CABS1: variants seen among roughly 807,000 people sequenced by gnomAD.
CABS1 encodes the protein calcium binding protein, spermatid associated 1.
For synonymous variants in CABS1, 195 were observed against 169.0 expected (o/e 1.15, Z -1.19); for missense variants, 500 against 464.3 (o/e 1.08, Z -0.71).
chr4:70,336,362 A>G lies in CABS1; in HGVS notation c.*119+16A>G. 8.0e-7 allele frequency: 1 copy of G among 1,257,092 alleles called. No homozygotes were observed. Among genetic ancestry groups the G allele is most frequent in the Non-Finnish European group, 1.1e-6 (1 of 937,168 alleles). The allele number at this position is 1,257,092 out of a possible 1,614,324, so 77.9% of individuals were successfully genotyped here. A position where few individuals can be genotyped will look rare whatever the true frequency, so the allele number is the denominator to read the frequency against. On this transcript the variant is annotated intron_variant, in intron 1 of 1. Transcript: ENST00000273936. Reference sequence around the variant, plus strand: ...GGCATTTAAGGCAAGTATTCGACTCAATAAATGCAGATGCTTAGGACTACA... The same window carrying G: ...GGCATTTAAGGCAAGTATTCGACTCGATAAATGCAGATGCTTAGGACTACA...
At position 70,335,335 on chromosome 4, in the gene CABS1, T is replaced by A; in HGVS notation, c.296T>A (p.Leu99Gln). The part of the protein sequence containing the change: ...TTHLQKEITS[L>Q]TGTTNSITRD... ...CACCTACAGAAAGAAATTACCTCTC[T>A]GACTGGCACTACAAACTCCATAACA... The change falls in exon 1 of 2, where the codon CTG (leucine) becomes CAG (glutamine). Residue 99 changes from leucine to glutamine, a missense_variant. By Grantham distance (113) the Leu-to-Gln change is moderately radical (BLOSUM62 -2). Transcript: ENST00000273936. 1 of 1,613,756 alleles carries A rather than the reference T, an allele frequency of 6.2e-7. No individual in the cohort carries two copies. Among genetic ancestry groups the A allele is most frequent in the Non-Finnish European group, 8.5e-7 (1 of 1,179,882 alleles).
intron 1 of CABS1, 69 bp downstream of exon 1, chr4:70,336,415 A>AT: frequency 3.8e-6 from 3 of 782,244 alleles, no homozygotes; most frequent in Non-Finnish European, 3.7e-6. Flanking sequence ...ACGGAAACTT[A>AT]GAAAAAAAAA....
In CABS1 at chr4:70,335,597, T is replaced by G; in HGVS notation, c.558T>G (p.Ala186=). ...CCTTTCCACGTAAAAAGGATGAAGCTGATATGAGCAATTATAATTCCTCCA... is the reference window on the plus strand; with the variant it reads ...CCTTTCCACGTAAAAAGGATGAAGCGGATATGAGCAATTATAATTCCTCCA... The part of the protein sequence containing the change: ...APAFPRKKDE[A]DMSNYNSSIK... Residue 186 remains alanine, a synonymous_variant, in exon 1 of 2, where the codon GCT becomes GCG. Transcript: ENST00000273936. 1 of 1,613,664 alleles carries G rather than the reference T, an allele frequency of 6.2e-7. No individual in the cohort carries two copies. Among genetic ancestry groups the G allele is most frequent in the Non-Finnish European group, 8.5e-7 (1 of 1,179,774 alleles).
Position 70,335,024 on chromosome 4 carries a change from A to C in CABS1, c.-16A>C. On this transcript the variant is annotated 5_prime_UTR_variant, in exon 1 of 2. Transcript: ENST00000273936. ...AGAAGCAAGACCTGTGAGAGTGCAC[A>C]GTGCCACTTCGCCCCATGGCTGAAG... 2.5e-6 allele frequency: 4 copies of C among 1,604,082 alleles called. No homozygotes were observed. The highest frequency in any genetic ancestry group is 3.4e-6 in the Non-Finnish European group (4 of 1,174,852).
At position 70,335,474 on chromosome 4, in the gene CABS1, C is replaced by T; in HGVS notation, c.435C>T (p.Leu145=). 1 of 1,613,710 alleles carries T rather than the reference C, an allele frequency of 6.2e-7. No homozygotes were observed. The highest frequency in any genetic ancestry group is 8.5e-7 in the Non-Finnish European group (1 of 1,179,774). ...FSTDIAKEDI[L]LATIDTGDAE... is the part of the protein sequence containing the mutation. ...CTGACATAGCAAAAGAAGATATCCT[C>T]TTAGCTACCATTGACACAGGAGATG... The change falls in exon 1 of 2, where the codon CTC becomes CTT. Residue 145 remains leucine (L), a synonymous_variant. Coordinates refer to ENST00000273936, the MANE Select transcript of CABS1 (RefSeq NM_033122.4).
intron 1 of CABS1, 23 bp from the exon 2 acceptor site, chr4:70,336,943 G>T (rs532633983): frequency 8.4e-5 from 12 of 143,526 alleles, no homozygotes; most frequent in Non-Finnish European, 1.8e-4. Context: ...TGTGTTTTCT[G>T]AATTTTTGTC....
chr4:70,336,366 A>G lies in CABS1; in HGVS notation c.*119+20A>G, dbSNP rs1731731584. On this transcript the variant is annotated intron_variant, in intron 1 of 1. Transcript: ENST00000273936. ...TTTAAGGCAAGTATTCGACTCAATA[A>G]ATGCAGATGCTTAGGACTACAGGTC... 1 of 1,218,698 alleles carries G rather than the reference A, an allele frequency of 8.2e-7. No individual in the cohort carries two copies. Among genetic ancestry groups the G allele is most frequent in the Admixed American group, 3.2e-5 (1 of 31,516 alleles). The allele number at this position is 1,218,698 out of a possible 1,614,324, so 75.5% of individuals were successfully genotyped here.
At position 70,335,479 on chromosome 4, in the gene CABS1, C is replaced by T; in HGVS notation, c.440C>T (p.Ala147Val). The change falls in exon 1 of 2, where the codon GCT (alanine) becomes GTT (valine). Residue 147 changes from alanine (A) to valine (V), a missense_variant. Ala to Val is a moderately conservative substitution (Grantham distance 64). Coordinates refer to ENST00000273936, the MANE Select transcript of CABS1 (RefSeq NM_033122.4). The part of the protein sequence containing the change: ...TDIAKEDILL[A>V]TIDTGDAEIS... Reference sequence around the variant, plus strand: ...ATAGCAAAAGAAGATATCCTCTTAGCTACCATTGACACAGGAGATGCAGAG... The same window carrying T: ...ATAGCAAAAGAAGATATCCTCTTAGTTACCATTGACACAGGAGATGCAGAG... 2 of 1,613,700 alleles carry T rather than the reference C, an allele frequency of 1.2e-6. No homozygotes were observed. The highest frequency in any genetic ancestry group is 1.7e-5 in the Admixed American group (1 of 59,962).
At chr4:70,336,867 T>C (rs1303066497) in intron 1 of CABS1, 99 bp from the exon 2 acceptor site, 2 of 152,386 alleles carry the variant, frequency 1.3e-5, no homozygotes, top group African/African-American at 4.8e-5. Flanking sequence ...ATTTTACAAA[T>C]ATGCATATTT....
Position 70,335,718 on chromosome 4 carries a change from A to G in CABS1, c.679A>G (p.Thr227Ala). The G allele has an allele frequency of 6.2e-7, 1 of 1,613,566 alleles. No homozygotes were observed. ...IPPAPEESFT[T>A]IPDITALEEE... ...TCCTGCTCCTGAAGAAAGCTTCACT[A>G]CTATTCCAGACATAACTGCCCTTGA... is the stretch of plus-strand genomic sequence containing the variant. Residue 227 changes from threonine (T) to alanine (A), a missense_variant, in exon 1 of 2, where the codon ACT becomes GCT. Transcript: ENST00000273936.
At position 70,336,090 on chromosome 4, in the gene CABS1, A is replaced by T. The variant is rs567242455; in HGVS notation, c.1051A>T (p.Thr351Ser). The T allele has an allele frequency of 8.7e-6, 14 of 1,613,192 alleles. No homozygotes were observed. The South Asian group carries it at 1.2e-4, about 14-fold the overall frequency. ...TTTGTCTGAAACTGATAATACAGAG[A>T]CTGTACCTAAGATCACTGAGCCATT... is the stretch of plus-strand genomic sequence containing the variant. ...EDLSETDNTE[T>S]VPKITEPFSG... Residue 351 changes from threonine (T) to serine (S), a missense_variant, in exon 1 of 2, where the codon ACT becomes TCT. By Grantham distance (58) the Thr-to-Ser change is moderately conservative. Transcript: ENST00000273936.
At position 70,336,964 on chromosome 4, in the gene CABS1, A is replaced by T. The variant is rs1447579552; in HGVS notation, c.*120-2A>T. On this transcript the variant is annotated splice_acceptor_variant, in intron 1 of 1. Coordinates refer to ENST00000273936, the MANE Select transcript of CABS1 (RefSeq NM_033122.4). LOFTEE classifies it low-confidence loss of function (3UTR_SPLICE). ...TTCTGAATTTTTGTCCATGTTTTCCAGGTCTTAAACACTGAATATCACACT... is the reference window on the plus strand; with the variant it reads ...TTCTGAATTTTTGTCCATGTTTTCCTGGTCTTAAACACTGAATATCACACT... 1 of 145,438 alleles carries T rather than the reference A, an allele frequency of 6.9e-6. No individual in the cohort carries two copies. Among genetic ancestry groups the T allele is most frequent in the Non-Finnish European group, 1.6e-5 (1 of 63,300 alleles). The allele number at this position is 145,438 out of a possible 1,614,324, so 9.0% of individuals were successfully genotyped here. A position where few individuals can be genotyped will look rare whatever the true frequency, so the allele number is the denominator to read the frequency against.
chr4:70,335,380 A>G lies in CABS1; in HGVS notation c.341A>G (p.His114Arg). Residue 114 changes from histidine (H) to arginine (R), a missense_variant, in exon 1 of 2, where the codon CAT (histidine) becomes CGT (arginine). Coordinates refer to ENST00000273936, the MANE Select transcript of CABS1 (RefSeq NM_033122.4). ...NSITRDSITE[H>R]FMPVKIGNIS... ...ATAACAAGAGACTCTATTACCGAACATTTCATGCCAGTGAAAATTGGGAAT... is the reference window on the plus strand; with the variant it reads ...ATAACAAGAGACTCTATTACCGAACGTTTCATGCCAGTGAAAATTGGGAAT... 1 of 1,613,716 alleles carries G rather than the reference A, an allele frequency of 6.2e-7. No individual in the cohort carries two copies. Among genetic ancestry groups the G allele is most frequent in the African/African-American group, 1.3e-5 (1 of 74,986 alleles).
rs1731731467 is a variant in CABS1 at position 70,336,363 on chromosome 4, A to G, written c.*119+17A>G. ...GCATTTAAGGCAAGTATTCGACTCA[A>G]TAAATGCAGATGCTTAGGACTACAG... On this transcript the variant is annotated intron_variant, in intron 1 of 1. Transcript: ENST00000273936. 2 of 1,216,462 alleles carry G rather than the reference A, an allele frequency of 1.6e-6. No individual in the cohort carries two copies. The highest frequency in any genetic ancestry group is 3.2e-5 in the Admixed American group (1 of 31,722). 75.4% of individuals were successfully genotyped at this position (1,216,462 alleles called of 1,614,324 possible). A position where few individuals can be genotyped will look rare whatever the true frequency, so the allele number is the denominator to read the frequency against.
rs1405656446 is a variant in CABS1, at chr4:70,336,236, A to G, written c.*9A>G. ...ATGAGTTCATGATTTAAAAGCAACA[A>G]AAGGGATACCATGTAGAATTGTGCA... On this transcript the variant is annotated 3_prime_UTR_variant, in exon 1 of 2. Transcript: ENST00000273936. The G allele has an allele frequency of 1.3e-6, 2 of 1,599,708 alleles. No individual in the cohort carries two copies. The highest frequency in any genetic ancestry group is 1.7e-6 in the Non-Finnish European group (2 of 1,174,102).
At position 70,335,401 on chromosome 4, in the gene CABS1, G is replaced by T. The variant is rs1278014729; in HGVS notation, c.362G>T (p.Gly121Val). ...ITEHFMPVKIGNISSPVTTVS... is the reference protein window; with the variant it reads ...ITEHFMPVKIVNISSPVTTVS... ...GAACATTTCATGCCAGTGAAAATTG[G>T]GAATATTTCATCACCAGTTACTACT... Residue 121 changes from glycine to valine, a missense_variant, in exon 1 of 2, where the codon GGG becomes GTG. Physicochemically the swap from Gly to Val is moderately radical, Grantham distance 109 (BLOSUM62 -3). Transcript: ENST00000273936. 2 of 1,613,472 alleles carry T rather than the reference G, an allele frequency of 1.2e-6. No homozygotes were observed. Among genetic ancestry groups the T allele is most frequent in the Non-Finnish European group, 1.7e-6 (2 of 1,179,796 alleles).
At position 70,336,165 on chromosome 4, in the gene CABS1, T is replaced by G; in HGVS notation, c.1126T>G (p.Ser376Ala). The G allele has an allele frequency of 1.2e-6, 2 of 1,612,904 alleles. No individual in the cohort carries two copies. Among genetic ancestry groups the G allele is most frequent in the South Asian group, 1.1e-5 (1 of 90,990 alleles). ...TACCCCAGACTATAAGGAAGACACCTCCACAACTGAAACGGATATCTTTGA... is the reference window on the plus strand; with the variant it reads ...TACCCCAGACTATAAGGAAGACACCGCCACAACTGAAACGGATATCTTTGA... ...LDTPDYKEDT[S>A]TTETDIFELL... Residue 376 changes from serine (S) to alanine (A), a missense_variant, in exon 1 of 2, where the codon TCC becomes GCC. Coordinates refer to ENST00000273936, the MANE Select transcript of CABS1 (RefSeq NM_033122.4).
chr4:70,335,724 C>T lies in CABS1; in HGVS notation c.685C>T (p.Pro229Ser). ...TCCTGAAGAAAGCTTCACTACTATT[C>T]CAGACATAACTGCCCTTGAAGAAGA... ...PAPEESFTTI[P>S]DITALEEEKI... The change falls in exon 1 of 2, where the codon CCA becomes TCA. Residue 229 changes from proline to serine, a missense_variant. Pro to Ser is a moderately conservative substitution (Grantham distance 74, BLOSUM62 -1). Transcript: ENST00000273936. The T allele has an allele frequency of 6.2e-7, 1 of 1,613,612 alleles. No individual in the cohort carries two copies. Among genetic ancestry groups the T allele is most frequent in the South Asian group, 1.1e-5 (1 of 91,072 alleles).
In CABS1 at chr4:70,336,309, C is replaced by A; in HGVS notation, c.*82C>A. On this transcript the variant is annotated 3_prime_UTR_variant, in exon 1 of 2. Coordinates refer to ENST00000273936, the MANE Select transcript of CABS1 (RefSeq NM_033122.4). ...ACATCTAAGAAATTTTTCCAACAAG[C>A]AAAAACCTTTAGAAATGAAAGAATG... is the stretch of plus-strand genomic sequence containing the variant. 3 of 1,471,728 alleles carry A rather than the reference C, an allele frequency of 2.0e-6. No individual in the cohort carries two copies. Among genetic ancestry groups the A allele is most frequent in the South Asian group, 1.5e-5 (1 of 66,794 alleles). 91.2% of individuals were successfully genotyped at this position (1,471,728 alleles called of 1,614,324 possible). A position where few individuals can be genotyped will look rare whatever the true frequency, so the allele number is the denominator to read the frequency against.
Sources: allele counts gnomAD v4.1 joint callset, GRCh38; gene constraint gnomAD v4.1.1; transcripts MANE v1.5; gene names NCBI Gene and HGNC (gene_info 2026-07-23, HGNC 2026-07-21).